Variants in NAMPT observed in about 807,000 individuals in gnomAD.
The protein encoded by NAMPT is nicotinamide phosphoribosyltransferase, also known as NAmPRTase.
A neutral mutation model predicts 58.7 loss-of-function variants in NAMPT; 7 were observed. That is an observed-to-expected ratio of 0.12 (90% CI 0.07 to 0.22). NAMPT has a LOEUF of 0.22. Ranked by LOEUF, NAMPT falls within the 10% of genes least tolerant of loss-of-function variation. The pLI, the probability that NAMPT is intolerant of heterozygous loss-of-function variation, is 1.00. For missense variants in NAMPT, 271 were observed against 567.9 expected (o/e 0.48, Z 5.31); for synonymous variants, 145 against 198.1 (o/e 0.73, Z 2.25).
At chr7:106,285,446 C>G, upstream of NAMPT, 1 of 745,900 alleles carries the variant, frequency 1.3e-6, no homozygotes, top group African/African-American at 1.9e-5. Context: ...CAGTCCTGGC[C>G]GGTTTTCTGG....
rs1792078198 is a variant in NAMPT, at chr7:106,249,876, C to T, written c.*1207G>A. ...TATGATTCAGAATCTAGTAGCTAAT[C>T]ACTCTAGAACATTTTGATGTCAAGC... is the stretch of plus-strand genomic sequence containing the variant. On this transcript the variant is annotated 3_prime_UTR_variant, in exon 11 of 11. Transcript: ENST00000222553. 6.6e-6 allele frequency: 1 copy of T among 152,016 alleles called. No homozygotes were observed. The highest frequency in any genetic ancestry group is 1.5e-5 in the Non-Finnish European group (1 of 67,934). The allele number at this position is 152,016 out of a possible 1,614,324, so 9.4% of individuals were successfully genotyped here.
At chr7:106,259,572 G>A (rs1792266870) in intron 8 of NAMPT, among the ~76,000 whole-genome samples, 1 of 152,014 alleles carries the variant, frequency 6.6e-6, no homozygotes, top group Non-Finnish European at 1.5e-5. Context: ...CTACAGGCAT[G>A]CATTGCCCCA....
intron 8 of NAMPT, among the ~76,000 whole-genome samples, chr7:106,257,975 G>C (rs1397886362): frequency 6.6e-6 from 1 of 152,250 alleles, no homozygotes; most frequent in African/African-American, 2.4e-5. Context: ...CTGACACCAA[G>C]GTAAGAGACT....
At chr7:106,279,831 AG>A (rs1379227952) in intron 1 of NAMPT, among the ~76,000 whole-genome samples, 1 of 152,208 alleles carries the variant, frequency 6.6e-6, no homozygotes, top group Non-Finnish European at 1.5e-5. Context: ...AGAGGGGGCC[AG>A]GAAGACTTCT....
Position 106,270,430 on chromosome 7 carries a change from G to C in NAMPT, c.448-1118C>G, listed in dbSNP as rs370937294. ...TAAAACAAATAAAAAGATTAACCTT[G>C]AACTTGCCAATCTAGTCATCTTTTT... On this transcript the variant is annotated intron_variant, in intron 4 of 10. Coordinates refer to ENST00000222553, the MANE Select transcript of NAMPT (RefSeq NM_005746.3). 76 of 220,654 alleles carry C rather than the reference G, an allele frequency of 3.4e-4. 1 individual carries two copies. The highest frequency in any genetic ancestry group is 1.6e-3 in the African/African-American group (70 of 42,446). 13.7% of individuals were successfully genotyped at this position (220,654 alleles called of 1,614,324 possible). A position where few individuals can be genotyped will look rare whatever the true frequency, so the allele number is the denominator to read the frequency against.
Position 106,248,573 on chromosome 7 carries a change from T to C in NAMPT, c.*2510A>G, listed in dbSNP as rs1230406241. 2 of 152,202 alleles carry C rather than the reference T, an allele frequency of 1.3e-5. No homozygotes were observed. The highest frequency in any genetic ancestry group is 2.4e-5 in the African/African-American group (1 of 41,420). The allele number at this position is 152,202 out of a possible 1,614,324, so 9.4% of individuals were successfully genotyped here. On this transcript the variant is annotated 3_prime_UTR_variant, in exon 11 of 11. Transcript: ENST00000222553. ...CAATTTAAGAAGGGAAAACAAGGGATACTCATAAAAAACATTTTACTTTAA... is the reference window on the plus strand; with the variant it reads ...CAATTTAAGAAGGGAAAACAAGGGACACTCATAAAAAACATTTTACTTTAA...
At chr7:106,277,548 T>G (rs1312086276) in intron 1 of NAMPT, among the ~76,000 whole-genome samples, 1 of 152,152 alleles carries the variant, frequency 6.6e-6, no homozygotes, top group Non-Finnish European at 1.5e-5. Flanking sequence ...ACAGCAGAAT[T>G]TGGTACTGCT....
At chr7:106,285,167 G>A (rs1792848969), upstream of NAMPT, 4 of 1,242,656 alleles carry the variant, frequency 3.2e-6, no homozygotes, top group Non-Finnish European at 4.1e-6. Flanking sequence ...CCCTCCGGGG[G>A]CCGAGAAAGG....
intron 1 of NAMPT, among the ~76,000 whole-genome samples, chr7:106,278,537 C>T (rs1792695813): frequency 6.6e-6 from 1 of 152,028 alleles, no homozygotes; most frequent in African/African-American, 2.4e-5. Context: ...GGGACTGATC[C>T]CACTTTAATA....
chr7:106,273,716 T>C (rs1792580281), intron 3 of NAMPT, among the ~76,000 whole-genome samples: 1 of 152,226 alleles, frequency 6.6e-6, no homozygotes, highest in African/African-American at 2.4e-5. Context: ...GTATTTATCC[T>C]TACAACAAAC....
intron 8 of NAMPT, among the ~76,000 whole-genome samples, chr7:106,256,599 T>C (rs1359527575): frequency 6.6e-6 from 1 of 152,198 alleles, no homozygotes; most frequent in Non-Finnish European, 1.5e-5. Flanking sequence ...CAAAAGTGAT[T>C]CGCATTCAGT....
chr7:106,258,373 C>A (rs965669114), intron 8 of NAMPT, among the ~76,000 whole-genome samples: 1 of 152,120 alleles, frequency 6.6e-6, no homozygotes, highest in Non-Finnish European at 1.5e-5. Flanking sequence ...CAAACTCTTT[C>A]GAACAGAAAA....
At chr7:106,260,907 G>C (rs1366216541) in intron 8 of NAMPT, among the ~76,000 whole-genome samples, 1 of 152,086 alleles carries the variant, frequency 6.6e-6, no homozygotes, top group Non-Finnish European at 1.5e-5. Flanking sequence ...TAGTAACATC[G>C]AAGATCACTA....
chr7:106,276,860 C>A, intron 2 of NAMPT, 163 bp downstream of exon 2: 4 of 593,580 alleles, frequency 6.7e-6, no homozygotes, highest in Non-Finnish European at 1.1e-5. Context: ...AAAAAAAAAC[C>A]TTTTATTTCA....
intron 1 of NAMPT, among the ~76,000 whole-genome samples, chr7:106,282,113 T>C (rs559022565): frequency 3.5e-3 from 540 of 152,244 alleles, no homozygotes; most frequent in African/African-American, 0.012. Flanking sequence ...GAGGCTCAGG[T>C]TGACTCAGGA....
chr7:106,258,019 T>C lies in NAMPT; in HGVS notation c.1090-3515A>G, dbSNP rs568153581. Among the ~76,000 whole-genome samples, 87 of 152,322 alleles carry C rather than the reference T, an allele frequency of 5.7e-4. 1 individual carries two copies. Among genetic ancestry groups the C allele is most frequent in the African/African-American group, 2.1e-3 (86 of 41,576 alleles). ...AGCTGAGCTAAGGGGAAAACGGCAATTAGGTGTGTCAGCTGAGATTGCTAT... is the reference window on the plus strand; with the variant it reads ...AGCTGAGCTAAGGGGAAAACGGCAACTAGGTGTGTCAGCTGAGATTGCTAT... On this transcript the variant is annotated intron_variant, in intron 8 of 10. Coordinates refer to ENST00000222553, the MANE Select transcript of NAMPT (RefSeq NM_005746.3).
At position 106,263,308 on chromosome 7, in the gene NAMPT, T is replaced by C. The variant is rs1159634530; in HGVS notation, c.969+84A>G. The C allele has an allele frequency of 1.5e-5, 14 of 963,272 alleles. 1 individual carries two copies. Among genetic ancestry groups the C allele is most frequent in the East Asian group, 1.0e-4 (4 of 39,512 alleles). 59.7% of individuals were successfully genotyped at this position (963,272 alleles called of 1,614,324 possible). A position where few individuals can be genotyped will look rare whatever the true frequency, so the allele number is the denominator to read the frequency against. On this transcript the variant is annotated intron_variant, in intron 7 of 10. Transcript: ENST00000222553. ...GGGACTGGTCCACACAGCTCTGAAA[T>C]TGTGTGTATATAAATGAAAAGTAGT...
chr7:106,280,034 A>G (rs1792730876), intron 1 of NAMPT, among the ~76,000 whole-genome samples: 7 of 152,208 alleles, frequency 4.6e-5, no homozygotes, highest in Admixed American at 4.6e-4. Flanking sequence ...GACTACCCCA[A>G]GGAGCCTGGA....
At chr7:106,267,217 C>T (rs1048766579) in intron 6 of NAMPT, among the ~76,000 whole-genome samples, 2 of 152,200 alleles carry the variant, frequency 1.3e-5, no homozygotes, top group African/African-American at 2.4e-5. Context: ...TCCCTTGCAA[C>T]ACTACAGCAT....
Sources: gnomAD v4.1 joint callset for allele counts (sites outside exome capture counted in the v4.1 genomes callset) on GRCh38, gnomAD v4.1.1 for gene constraint, MANE v1.5 for transcripts, NCBI Gene and HGNC (gene_info 2026-07-23, HGNC 2026-07-21) for gene names.